Variants in SH3BGRL observed in about 807,000 individuals in gnomAD.
SH3BGRL encodes adapter SH3BGRL.
SH3BGRL carries 7 observed loss-of-function variants against 9.8 expected under a neutral mutation model. That is an observed-to-expected ratio of 0.72 (90% CI 0.41 to 1.35). The LOEUF is 1.35. Among genes scored for constraint, SH3BGRL ranks in the 40% most tolerant of loss-of-function variants. The pLI, the probability that SH3BGRL is intolerant of heterozygous loss-of-function variation, is 0.01. For synonymous variants in SH3BGRL, 36 were observed against 29.1 expected (o/e 1.24, Z -0.76); for missense variants, 73 against 84.4 (o/e 0.86, Z 0.53).
At chrX:81,266,956 C>G (rs1282338360) in intron 1 of SH3BGRL, among the ~76,000 whole-genome samples, 1 of 111,404 alleles carries the variant, frequency 9.0e-6, no homozygotes, top group Non-Finnish European at 1.9e-5. Flanking sequence ...GTATTTTATT[C>G]TATTAGTAGC....
At position 81,297,218 on chromosome X, in the gene SH3BGRL, G is replaced by A. The variant is rs1232707197; in HGVS notation, c.336G>A (p.Gln112=). ...AGGAAGCAGAAGTGCAAGCAAAGCA[G>A]CAAGCATGAACCTTAAGCACTGTGC... ...GSKEAEVQAK[Q]QA The change falls in exon 4 of 4, where the codon CAG becomes CAA. Residue 112 remains glutamine (Q), a synonymous_variant. Transcript: ENST00000373212. The A allele has an allele frequency of 7.5e-6, 9 of 1,207,081 alleles. 1 individual carries two copies. Among genetic ancestry groups the A allele is most frequent in the Admixed American group, 2.2e-5 (1 of 45,846 alleles).
At chrX:81,287,006 T>G (rs1487606862) in intron 3 of SH3BGRL, among the ~76,000 whole-genome samples, 3 of 111,789 alleles carry the variant, frequency 2.7e-5, no homozygotes, top group Non-Finnish European at 5.6e-5. Context: ...TGGATTTCTA[T>G]GCCAGTGATT....
intron 3 of SH3BGRL, among the ~76,000 whole-genome samples, chrX:81,293,302 C>T (rs906414095): frequency 1.8e-5 from 2 of 111,621 alleles, no homozygotes; most frequent in African/African-American, 6.5e-5. Flanking sequence ...TTCCCAGCCT[C>T]GGGTATGCCT....
chrX:81,286,881 T>A (rs1048823325), intron 3 of SH3BGRL, among the ~76,000 whole-genome samples: 2 of 111,281 alleles, frequency 1.8e-5, no homozygotes, highest in African/African-American at 6.5e-5. Flanking sequence ...AATAAGGAGT[T>A]CAGATAAATT....
At chrX:81,229,979 C>A (rs753351684) in intron 1 of SH3BGRL, among the ~76,000 whole-genome samples, 1 of 111,594 alleles carries the variant, frequency 9.0e-6, no homozygotes, top group Admixed American at 9.5e-5. Flanking sequence ...AGGCATATGT[C>A]GTAGTGGAAG....
intron 1 of SH3BGRL, among the ~76,000 whole-genome samples, chrX:81,237,748 A>G (rs1163702512): frequency 9.2e-6 from 1 of 108,726 alleles, no homozygotes; most frequent in East Asian, 3.0e-4. Flanking sequence ...CTACTAAGAC[A>G]ATAGCTGGGT....
At chrX:81,232,721 G>A (rs1029338855) in intron 1 of SH3BGRL, among the ~76,000 whole-genome samples, 2 of 110,163 alleles carry the variant, frequency 1.8e-5, no homozygotes, top group Non-Finnish European at 3.8e-5. Context: ...AACACTTTTC[G>A]TATTGTGGAA....
chrX:81,282,756 C>T lies in SH3BGRL; in HGVS notation c.312+4345C>T, dbSNP rs953316437. Among the ~76,000 whole-genome samples, 5 of 111,308 alleles carry T rather than the reference C, an allele frequency of 4.5e-5. 1 individual carries two copies. The highest frequency in any genetic ancestry group is 9.5e-5 in the Non-Finnish European group (5 of 52,812). ...AGAGCACAAACAATCTAAGGTCACA[C>T]TTCAAAGAACTAAAGAAACAAGAAC... On this transcript the variant is annotated intron_variant, in intron 3 of 3. Coordinates refer to ENST00000373212, the MANE Select transcript of SH3BGRL (RefSeq NM_003022.3).
At chrX:81,272,352 T>C (rs1438311835) in intron 1 of SH3BGRL, among the ~76,000 whole-genome samples, 3 of 111,291 alleles carry the variant, frequency 2.7e-5, no homozygotes, top group Non-Finnish European at 5.7e-5. Context: ...AGATTTGATG[T>C]TCCTTTTAGA....
At chrX:81,242,595 T>G (rs981372453) in intron 1 of SH3BGRL, among the ~76,000 whole-genome samples, 1 of 111,709 alleles carries the variant, frequency 9.0e-6, no homozygotes, top group African/African-American at 3.3e-5. Context: ...TTATAAAGCT[T>G]CTGCACAGCA....
At chrX:81,280,991 A>G (rs1424178128) in intron 3 of SH3BGRL, among the ~76,000 whole-genome samples, 2 of 111,481 alleles carry the variant, frequency 1.8e-5, no homozygotes, top group African/African-American at 6.5e-5. Flanking sequence ...TAAAAAATTC[A>G]GGAAACTTTG....
At chrX:81,231,745 A>C (rs1412340841) in intron 1 of SH3BGRL, among the ~76,000 whole-genome samples, 2 of 112,221 alleles carry the variant, frequency 1.8e-5, no homozygotes, top group African/African-American at 6.5e-5. Flanking sequence ...CAGTCAGCTT[A>C]CTCAGATAGA....
At chrX:81,279,909 G>A (rs2075810866) in intron 3 of SH3BGRL, among the ~76,000 whole-genome samples, 3 of 111,597 alleles carry the variant, frequency 2.7e-5, no homozygotes, top group Non-Finnish European at 1.9e-5. Flanking sequence ...CTTTTCTTTC[G>A]CAGCTGGGAG....
At chrX:81,232,788 T>A (rs1316089068) in intron 1 of SH3BGRL, among the ~76,000 whole-genome samples, 1 of 111,999 alleles carries the variant, frequency 8.9e-6, no homozygotes, top group Non-Finnish European at 1.9e-5. Context: ...ACTATTTTTA[T>A]GAAACAGCAT....
At chrX:81,228,897 A>G (rs920591159) in intron 1 of SH3BGRL, among the ~76,000 whole-genome samples, 1 of 112,231 alleles carries the variant, frequency 8.9e-6, no homozygotes, top group African/African-American at 3.2e-5. Flanking sequence ...CATATGAGCT[A>G]TAGCTTGTGA....
chrX:81,210,458 G>A (rs1182718578), intron 1 of SH3BGRL, among the ~76,000 whole-genome samples: 3 of 111,610 alleles, frequency 2.7e-5, no homozygotes, highest in South Asian at 3.8e-4. Context: ...CATGCAAATT[G>A]TCAGCTTTAG....
chrX:81,228,642 A>G (rs2075624041), intron 1 of SH3BGRL, among the ~76,000 whole-genome samples: 1 of 111,658 alleles, frequency 9.0e-6, no homozygotes, highest in Non-Finnish European at 1.9e-5. Context: ...TTTCAGGTTA[A>G]CTTTGGAATG....
At chrX:81,202,460 A>T in intron 1 of SH3BGRL, 2 of 991,181 alleles carry the variant, frequency 2.0e-6, no homozygotes, top group Non-Finnish European at 2.5e-6. Context: ...TTGCTTCGTG[A>T]CGTTGGGGGG....
intron 1 of SH3BGRL, among the ~76,000 whole-genome samples, chrX:81,264,390 C>A (rs984267807): frequency 1.8e-5 from 2 of 111,482 alleles, no homozygotes; most frequent in Non-Finnish European, 3.8e-5. Flanking sequence ...ATCTCTGAGC[C>A]CCTGTTTCCT....
Sources: allele counts gnomAD v4.1 joint callset (sites outside exome capture counted in the v4.1 genomes callset), GRCh38; gene constraint gnomAD v4.1.1; transcripts MANE v1.5; gene names NCBI Gene and HGNC (gene_info 2026-07-23, HGNC 2026-07-21).